The following SYT14 variants were observed in gnomAD, a reference collection of about 807,000 sequenced individuals.
SYT14 encodes synaptotagmin 14.
A neutral mutation model predicts 74.2 loss-of-function variants in SYT14; 32 were observed. That is an observed-to-expected ratio of 0.43 (90% CI 0.33 to 0.58). The LOEUF is 0.58. Ranked by LOEUF, SYT14 falls within the 20% of genes least tolerant of loss-of-function variation. SYT14 has a pLI of 0.05. For synonymous variants in SYT14, 298 were observed against 337.7 expected, an observed-to-expected ratio of 0.88 and a Z score of 1.29; for missense variants, 791 against 981.8, an observed-to-expected ratio of 0.81 and a Z score of 2.60.
intron 7 of SYT14, among the ~76,000 whole-genome samples, chr1:210,154,252 AC>A (rs1205222519): frequency 6.6e-6 from 1 of 151,418 alleles, no homozygotes; most frequent in Non-Finnish European, 1.5e-5. Flanking sequence ...GAGGTCTCCA[AC>A]CCCCCGGCCA....
chr1:209,938,339 A>C, intron 1 of SYT14, 62 bp downstream of exon 1: 1 of 1,500,646 alleles, frequency 6.7e-7, no homozygotes, highest in East Asian at 2.8e-5. Context: ...GGGGGCTCGG[A>C]GGTGCGCCGG....
intron 2 of SYT14, among the ~76,000 whole-genome samples, chr1:209,986,240 T>C (rs2079568054): frequency 6.6e-6 from 1 of 152,210 alleles, no homozygotes; most frequent in African/African-American, 2.4e-5. Flanking sequence ...GTAATTTCTT[T>C]GTTCCCACAT....
intron 1 of SYT14, among the ~76,000 whole-genome samples, chr1:209,942,073 A>C (rs1490743561): frequency 6.6e-6 from 1 of 152,186 alleles, no homozygotes; most frequent in Non-Finnish European, 1.5e-5. Context: ...CGGTTAGTTA[A>C]ATCCATAGAT....
intron 2 of SYT14, among the ~76,000 whole-genome samples, chr1:209,974,644 G>A (rs1348890207): frequency 4.6e-5 from 7 of 151,926 alleles, no homozygotes; most frequent in African/African-American, 7.2e-5. Context: ...GTCAGGTAGC[G>A]TGATGCCTCC....
intron 5 of SYT14, among the ~76,000 whole-genome samples, chr1:210,027,019 T>C (rs2080428119): frequency 6.6e-6 from 1 of 152,078 alleles, no homozygotes; most frequent in African/African-American, 2.4e-5. Context: ...GATCCCCCCA[T>C]TCAGTCAGAA....
intron 5 of SYT14, among the ~76,000 whole-genome samples, chr1:210,040,538 T>C (rs1572199950): frequency 6.6e-6 from 1 of 151,366 alleles, no homozygotes; most frequent in African/African-American, 2.4e-5. Flanking sequence ...GAAACCAAAG[T>C]GATATTAGCT....
intron 1 of SYT14, among the ~76,000 whole-genome samples, chr1:209,942,360 A>AACCCCCCCCC (rs2078747291): frequency 6.7e-5 from 5 of 74,638 alleles, no homozygotes; most frequent in African/African-American, 4.7e-4. Flanking sequence ...ATGCAAATTT[A>AACCCCCCCCC]CCCCCCCCCC....
chr1:209,940,057 C>T lies in SYT14; in HGVS notation c.-534+1780C>T, dbSNP rs116134542. 3.7e-3 allele frequency among the ~76,000 whole-genome samples: 558 copies of T among 152,258 alleles called. 2 individuals carry two copies. The highest frequency in any genetic ancestry group is 5.9e-3 in the Non-Finnish European group (404 of 68,006). On this transcript the variant is annotated intron_variant, in intron 1 of 9. Coordinates refer to ENST00000637265, the Ensembl canonical transcript of SYT14. ...AAATATTTTCATACTGAAGCATTTGCTTAAGTTTTCATAATACAAAGATCA... is the reference window on the plus strand; with the variant it reads ...AAATATTTTCATACTGAAGCATTTGTTTAAGTTTTCATAATACAAAGATCA...
chr1:209,977,591 G>C (rs1031958051), intron 2 of SYT14, among the ~76,000 whole-genome samples: 3 of 152,166 alleles, frequency 2.0e-5, no homozygotes, highest in African/African-American at 7.2e-5. Flanking sequence ...AGTCTGATGG[G>C]CTTCCCTTTG....
chr1:210,135,133 A>T (rs1318538139), intron 7 of SYT14, among the ~76,000 whole-genome samples: 6 of 151,722 alleles, frequency 4.0e-5, no homozygotes, highest in African/African-American at 1.5e-4. Flanking sequence ...AGCATGCACC[A>T]CCACACCTGG....
chr1:210,156,807 C>A (rs1476320647), intron 8 of SYT14: 1 of 255,140 alleles, frequency 3.9e-6, no homozygotes, highest in South Asian at 3.9e-5. Flanking sequence ...ATCCTCCTGC[C>A]TCAGCCTCCT....
intron 5 of SYT14, among the ~76,000 whole-genome samples, chr1:210,069,081 C>G (rs1445359723): frequency 6.6e-6 from 1 of 151,632 alleles, no homozygotes; most frequent in African/African-American, 2.4e-5. Flanking sequence ...TAAAAGAAAT[C>G]TCTTCTTGTT....
chr1:210,096,046 C>T (rs1056991498), intron 6 of SYT14, among the ~76,000 whole-genome samples: 5 of 152,112 alleles, frequency 3.3e-5, no homozygotes, highest in African/African-American at 1.2e-4. Context: ...TTGCTATGAG[C>T]TTTATGTAGT....
chr1:210,072,230 A>G (rs934629090), intron 5 of SYT14, among the ~76,000 whole-genome samples: 3 of 151,644 alleles, frequency 2.0e-5, no homozygotes, highest in African/African-American at 4.8e-5. Context: ...CTGCCATGTC[A>G]GTTTTCTTGT....
chr1:209,942,767 G>A (rs2205986), intron 1 of SYT14, among the ~76,000 whole-genome samples: 140,685 of 152,208 alleles, frequency 0.92, 65,191 homozygotes, highest in African/African-American at 0.98. Context: ...CTTCCATAAG[G>A]GTATCAGAAG....
chr1:210,101,172 A>G (rs886442188), intron 7 of SYT14, among the ~76,000 whole-genome samples: 35 of 152,282 alleles, frequency 2.3e-4, no homozygotes, highest in African/African-American at 8.4e-4. Context: ...TGCACTGTTT[A>G]TTTAAACCAG....
At chr1:210,094,522 A>G (rs753912635) in exon 6 of SYT14, 1 of 1,613,550 alleles carries the variant, frequency 6.2e-7, no homozygotes, top group Non-Finnish European at 8.5e-7. Context: ...AGGTCATGAA[A>G]TAGAAAGTTT....
intron 6 of SYT14, 27 bp from the exon 6 acceptor site, chr1:210,099,985 T>G: frequency 6.2e-7 from 1 of 1,601,402 alleles, no homozygotes; most frequent in Non-Finnish European, 8.5e-7. Context: ...AGTTAAAAAC[T>G]CTAACATTTA....
intron 2 of SYT14, among the ~76,000 whole-genome samples, chr1:210,011,573 GC>G (rs1190379719): frequency 6.6e-6 from 1 of 152,052 alleles, no homozygotes; most frequent in Admixed American, 6.6e-5. Flanking sequence ...CATTGACCCA[GC>G]TTTGAAAAGA....
Sources: gnomAD v4.1 joint callset for allele counts (sites outside exome capture counted in the v4.1 genomes callset) on GRCh38, gnomAD v4.1.1 for gene constraint, MANE v1.5 for transcripts, NCBI Gene and HGNC (gene_info 2026-07-23, HGNC 2026-07-21) for gene names.